The following LINGO1 variants were observed in gnomAD, a reference collection of about 807,000 sequenced individuals.
LINGO1 encodes the protein leucine-rich repeat and immunoglobulin-like domain-containing nogo receptor-interacting protein 1.
In LINGO1, 11 loss-of-function variants were observed where a neutral mutation model predicts 37.3. The observed-to-expected ratio is 0.29, with a 90% CI of 0.19 to 0.49. The LOEUF (loss-of-function observed/expected upper bound fraction) is 0.49. Among genes scored for constraint, LINGO1 ranks in the 20% least tolerant of loss-of-function variants. The pLI is 0.99. For synonymous variants in LINGO1, 387 were observed against 403.0 expected (o/e 0.96, Z 0.48); for missense variants, 585 against 878.2 (o/e 0.67, Z 4.22).
intron 2 of LINGO1, among the ~76,000 whole-genome samples, chr15:77,680,070 C>A (rs151051896): frequency 6.6e-6 from 1 of 152,226 alleles, no homozygotes; most frequent in Admixed American, 6.5e-5. Context: ...AAAAGCGATG[C>A]GTGTCATTGA....
rs1053934995 is a variant in LINGO1 at position 77,777,637 on chromosome 15, T to G, written c.-257+9232A>C. 1.5e-4 allele frequency among the ~76,000 whole-genome samples: 23 copies of G among 152,090 alleles called. 1 individual carries two copies. The highest frequency in any genetic ancestry group is 1.4e-3 in the Admixed American group (22 of 15,260). On this transcript the variant is annotated intron_variant, in intron 1 of 3. Coordinates refer to the LINGO1 transcript ENST00000561686. ...AACAAAAAATTTTATAAACAGAAAT[T>G]TATTCTCAGCCAGGCTCAGTGGCTC...
In LINGO1 at chr15:77,613,635, C is replaced by T. The variant is rs140046223; in HGVS notation, c.*409G>A. The T allele has an allele frequency of 2.2e-3, 402 of 182,182 alleles. 2 individuals carry two copies. The highest frequency in any genetic ancestry group is 9.1e-3 in the African/African-American group (387 of 42,358). The allele number at this position is 182,182 out of a possible 1,614,324, so 11.3% of individuals were successfully genotyped here. A position where few individuals can be genotyped will look rare whatever the true frequency, so the allele number is the denominator to read the frequency against. On this transcript the variant is annotated 3_prime_UTR_variant, in exon 2 of 2. Transcript: ENST00000355300. ...GAAGAGGGCCCTGGAGCAATCAGGACGTCAAAAGTTTGCATTCCGACTAGC... is the reference window on the plus strand; with the variant it reads ...GAAGAGGGCCCTGGAGCAATCAGGATGTCAAAAGTTTGCATTCCGACTAGC...
rs752814389 is a variant in LINGO1, at chr15:77,614,398, G to A, written c.1509C>T (p.Gly503=). ...GTYLCIAANA[G]GNDSMPAHLH... ...GGTGGGCGGGCATGGAGTCGTTGCC[G>A]CCCGCGTTGGCCGCGATGCACAGGT... Residue 503 remains glycine, a synonymous_variant, in exon 2 of 2, where the codon GGC becomes GGT. Transcript: ENST00000355300. The A allele has an allele frequency of 8.7e-6, 14 of 1,612,904 alleles. No individual in the cohort carries two copies. The highest frequency in any genetic ancestry group is 1.6e-4 in the Middle Eastern group (1 of 6,084).
Position 77,614,611 on chromosome 15 carries a change from C to T in LINGO1, c.1296G>A (p.Gln432=). Residue 432 remains glutamine (Q), a synonymous_variant, in exon 2 of 2, where the codon CAG becomes CAA. Coordinates refer to ENST00000355300, the MANE Select transcript of LINGO1 (RefSeq NM_032808.7). The part of the protein sequence containing the change: ...RRARIRDRKA[Q]QVFVDEGHTV... ...TGTGGCCCTCGTCCACAAACACCTG[C>T]TGGGCCTTGCGGTCCCGGATGCGGG... 2 of 1,611,362 alleles carry T rather than the reference C, an allele frequency of 1.2e-6. No individual in the cohort carries two copies. The highest frequency in any genetic ancestry group is 1.1e-5 in the South Asian group (1 of 90,744).
chr15:77,751,085 G>A (rs1172133703), intron 1 of LINGO1, among the ~76,000 whole-genome samples: 1 of 152,126 alleles, frequency 6.6e-6, no homozygotes. Context: ...TGTGTCCAGG[G>A]CGGGGCACAG....
intron 1 of LINGO1, among the ~76,000 whole-genome samples, chr15:77,798,702 G>A (rs1319895960): frequency 6.6e-6 from 1 of 152,220 alleles, no homozygotes; most frequent in Non-Finnish European, 1.5e-5. Context: ...AAGGAGGGTG[G>A]AGGGGGCTGC....
intron 1 of LINGO1, among the ~76,000 whole-genome samples, chr15:77,747,398 C>T (rs2076324756): frequency 6.6e-6 from 1 of 152,162 alleles, no homozygotes; most frequent in South Asian, 2.1e-4. Flanking sequence ...TGCCCAGGGA[C>T]TCTTCCCTGG....
intron 2 of LINGO1, among the ~76,000 whole-genome samples, chr15:77,712,418 T>TA (rs2075929582): frequency 6.6e-6 from 1 of 152,034 alleles, no homozygotes; most frequent in South Asian, 2.1e-4. Context: ...CCCCTCCCCC[T>TA]AAGCAGTACT....
chr15:77,698,367 A>G (rs1386571903), upstream of LINGO1, among the ~76,000 whole-genome samples: 5 of 152,210 alleles, frequency 3.3e-5, no homozygotes, highest in Non-Finnish European at 7.3e-5. Context: ...GCATGTGTTG[A>G]GTGCCTACTA....
At chr15:77,730,075 G>T (rs1465195017) in intron 2 of LINGO1, among the ~76,000 whole-genome samples, 1 of 151,968 alleles carries the variant, frequency 6.6e-6, no homozygotes, top group Admixed American at 6.6e-5. Flanking sequence ...TGGGAGCGTT[G>T]TGGGGGGAGT....
At chr15:77,812,672 C>T (rs2077015205) in intron 1 of LINGO1, among the ~76,000 whole-genome samples, 1 of 144,970 alleles carries the variant, frequency 6.9e-6, no homozygotes, top group African/African-American at 2.4e-5. Context: ...CCCAGCTGAC[C>T]CTCGCCAACA....
chr15:77,790,161 T>A (rs2076807415), upstream of LINGO1, among the ~76,000 whole-genome samples: 1 of 152,180 alleles, frequency 6.6e-6, no homozygotes, highest in Admixed American at 6.5e-5. Flanking sequence ...GGTACTTAGC[T>A]ATAGCAGCCT....
intron 2 of LINGO1, among the ~76,000 whole-genome samples, chr15:77,734,714 G>C (rs1325249941): frequency 6.6e-6 from 1 of 151,900 alleles, no homozygotes; most frequent in Non-Finnish European, 1.5e-5. Context: ...GGGCCCCAGC[G>C]GTTGCTCTCC....
chr15:77,656,509 C>G (rs991660469), intron 3 of LINGO1, among the ~76,000 whole-genome samples: 3 of 152,344 alleles, frequency 2.0e-5, no homozygotes, highest in Admixed American at 2.0e-4. Context: ...AGCCGCCCTG[C>G]GCCCATATGG....
chr15:77,737,726 A>G (rs1455478428), intron 1 of LINGO1, among the ~76,000 whole-genome samples: 1 of 151,622 alleles, frequency 6.6e-6, no homozygotes, highest in Admixed American at 6.6e-5. Flanking sequence ...AGCATCTGAC[A>G]TGGCTGATTG....
Position 77,614,828 on chromosome 15 carries a change from T to C in LINGO1, c.1079A>G (p.Asn360Ser). 6.2e-7 allele frequency: 1 copy of C among 1,612,602 alleles called. No homozygotes were observed. Among genetic ancestry groups the C allele is most frequent in the Non-Finnish European group, 8.5e-7 (1 of 1,179,392 alleles). ...LEESVFHSVG[N>S]LETLILDSNP... The stretch of plus-strand genomic sequence containing the variant: ...GGAGTCCAGGATGAGTGTCTCCAGG[T>C]TGCCCACCGAGTGGAAGACTGATTC... Residue 360 changes from asparagine (N) to serine (S), a missense_variant, in exon 2 of 2, where the codon AAC becomes AGC. Around this residue, in one of 4 missense-constraint regions of LINGO1, gnomAD observed 484 missense variants for 735.0 expected, o/e 0.66. Transcript: ENST00000355300.
intron 1 of LINGO1, among the ~76,000 whole-genome samples, chr15:77,618,303 A>G (rs536475553): frequency 6.2e-4 from 95 of 152,264 alleles, no homozygotes; most frequent in Middle Eastern, 3.4e-3. Flanking sequence ...CCGGGCCTCA[A>G]CCTGCCCACC....
At chr15:77,744,879 G>A (rs1455895223) in intron 1 of LINGO1, among the ~76,000 whole-genome samples, 2 of 151,934 alleles carry the variant, frequency 1.3e-5, no homozygotes, top group African/African-American at 4.8e-5. Context: ...ACTTTGGGAG[G>A]CCAAAGCAGG....
chr15:77,681,861 C>T (rs1392736562), intron 2 of LINGO1, among the ~76,000 whole-genome samples: 1 of 152,122 alleles, frequency 6.6e-6, no homozygotes, highest in African/African-American at 2.4e-5. Flanking sequence ...TCATGGTCCC[C>T]ATAAATCGCA....
Sources: gnomAD v4.1 joint callset for allele counts (sites outside exome capture counted in the v4.1 genomes callset) on GRCh38, gnomAD v4.1.1 for gene constraint, gnomAD v4.1.1 regional missense constraint, MANE v1.5 for transcripts, NCBI Gene and HGNC (gene_info 2026-07-23, HGNC 2026-07-21) for gene names.